QSER1: variants seen among roughly 807,000 people sequenced by gnomAD.
The protein encoded by QSER1 is glutamine and serine-rich protein 1.
Under a neutral mutation model 158.5 loss-of-function variants are expected in QSER1, and 49 were observed. The ratio of observed to expected loss-of-function variants is 0.31; its 90% CI spans 0.25 to 0.39. The LOEUF (loss-of-function observed/expected upper bound fraction) is 0.39. Among genes scored for constraint, QSER1 ranks in the 10% least tolerant of loss-of-function variants. The probability of loss-of-function intolerance (pLI) is 1.00; values close to 1 mark genes in which losing one functional copy is unlikely to be tolerated. For synonymous variants in QSER1, 650 were observed against 715.5 expected, an observed-to-expected ratio of 0.91 and a Z score of 1.46; for missense variants, 1,754 against 2,010.3, an observed-to-expected ratio of 0.87 and a Z score of 2.44.
intron 8 of QSER1, 151 bp downstream of exon 8, chr11:32,958,237 A>T: frequency 1.4e-6 from 1 of 704,000 alleles, no homozygotes; most frequent in South Asian, 1.9e-5. Flanking sequence ...AAGTAAGTTC[A>T]CATTCCCTGA....
intron 11 of QSER1, among the ~76,000 whole-genome samples, chr11:32,974,021 A>T (rs889162382): frequency 6.6e-6 from 1 of 152,246 alleles, no homozygotes; most frequent in Non-Finnish European, 1.5e-5. Flanking sequence ...TGTTTATTTC[A>T]TATCTGCAAA....
chr11:32,896,711 A>G (rs906597086), intron 1 of QSER1, among the ~76,000 whole-genome samples: 1 of 152,140 alleles, frequency 6.6e-6, no homozygotes, highest in Non-Finnish European at 1.5e-5. Flanking sequence ...TTCTAACTTG[A>G]AATAACTTTT....
intron 1 of QSER1, among the ~76,000 whole-genome samples, chr11:32,920,460 A>G (rs1851886279): frequency 6.6e-6 from 1 of 152,212 alleles, no homozygotes; most frequent in Non-Finnish European, 1.5e-5. Context: ...ATGACCTTGG[A>G]TTACAAGTTA....
chr11:32,932,198 G>A lies in QSER1; in HGVS notation c.940G>A (p.Glu314Lys). ...TTCCATTGAAAGAGCTCTTCTTCGA[G>A]AATGTAGTGTTATTAAACACCATCA... is the stretch of plus-strand genomic sequence containing the variant. ...TASIERALLR[E>K]CSVIKHHQRP... The change falls in exon 4 of 13, where the codon GAA (glutamate) becomes AAA (lysine). Residue 314 changes from glutamate to lysine, a missense_variant. By Grantham distance (56) the Glu-to-Lys change is moderately conservative (BLOSUM62 1). Around this residue, in one of 2 missense-constraint regions of QSER1, gnomAD observed 1,707 missense variants for 1,919.6 expected, o/e 0.89. Transcript: ENST00000650167. The A allele has an allele frequency of 6.2e-7, 1 of 1,614,168 alleles. No homozygotes were observed.
chr11:32,969,836 C>T (rs1260993153), intron 10 of QSER1, among the ~76,000 whole-genome samples: 1 of 152,022 alleles, frequency 6.6e-6, no homozygotes, highest in African/African-American at 2.4e-5. Context: ...AGGTGCCCAC[C>T]ACCACACCTG....
At chr11:32,911,703 A>G (rs192041306) in intron 1 of QSER1, among the ~76,000 whole-genome samples, 3 of 152,310 alleles carry the variant, frequency 2.0e-5, no homozygotes, top group East Asian at 1.9e-4. Context: ...TTGTGAAGAC[A>G]TGCCTTGCTT....
rs1174106857 is a variant in QSER1, at chr11:32,976,921, T to C, written c.*447T>C. On this transcript the variant is annotated 3_prime_UTR_variant, in exon 13 of 13. Coordinates refer to ENST00000650167, the MANE Select transcript of QSER1 (RefSeq NM_001076786.3). ...CATCTGGCCACAAAACCAGAAATAC[T>C]GTACATTATGTAAAGAGGTCTGGTG... 5.9e-6 allele frequency: 1 copy of C among 169,600 alleles called. No individual in the cohort carries two copies. The highest frequency in any genetic ancestry group is 1.2e-5 in the Non-Finnish European group (1 of 80,278). The allele number at this position is 169,600 out of a possible 1,614,324, so 10.5% of individuals were successfully genotyped here. A position where few individuals can be genotyped will look rare whatever the true frequency, so the allele number is the denominator to read the frequency against.
At chr11:32,956,195 G>A in intron 7 of QSER1, 74 bp downstream of exon 7, 3 of 1,285,648 alleles carry the variant, frequency 2.3e-6, no homozygotes, top group African/African-American at 1.5e-5. Flanking sequence ...GTACAAAGGA[G>A]CATATCAATT....
intron 4 of QSER1, among the ~76,000 whole-genome samples, chr11:32,945,573 C>T (rs529820349): frequency 3.7e-4 from 57 of 152,280 alleles, no homozygotes; most frequent in African/African-American, 1.3e-3. Flanking sequence ...CCCCCACTCT[C>T]TTCTGGCCTG....
intron 7 of QSER1, 147 bp downstream of exon 7, chr11:32,956,268 C>A: frequency 4.4e-6 from 3 of 680,646 alleles, no homozygotes; most frequent in Non-Finnish European, 7.3e-6. Flanking sequence ...ATAAGTGATT[C>A]TTTTGAAGGC....
At chr11:32,972,603 T>G (rs931799401) in intron 10 of QSER1, among the ~76,000 whole-genome samples, 1 of 151,934 alleles carries the variant, frequency 6.6e-6, no homozygotes. Context: ...ACCCAGCTAA[T>G]TTTTGTATTT....
At chr11:32,937,227 A>G (rs1247874977) in intron 4 of QSER1, among the ~76,000 whole-genome samples, 2 of 152,148 alleles carry the variant, frequency 1.3e-5, no homozygotes, top group East Asian at 3.8e-4. Flanking sequence ...GAAAAAAGCT[A>G]TCATTTGTCA....
chr11:32,913,863 A>G (rs1851801514), intron 1 of QSER1, among the ~76,000 whole-genome samples: 1 of 152,240 alleles, frequency 6.6e-6, no homozygotes, highest in Non-Finnish European at 1.5e-5. Flanking sequence ...CACAGAATTT[A>G]TATAGAACTG....
chr11:32,928,098 A>G lies in QSER1; in HGVS notation c.459A>G (p.Gln153=), dbSNP rs1851998073. 2 of 1,612,784 alleles carry G rather than the reference A, an allele frequency of 1.2e-6. No homozygotes were observed. Among genetic ancestry groups the G allele is most frequent in the Non-Finnish European group, 1.7e-6 (2 of 1,178,854 alleles). Reference sequence around the variant, plus strand: ...CTTCAGGAACTACTCTCTTACCACAATTCAGGGCTCCATCCTGGCAGACAG... The same window carrying G: ...CTTCAGGAACTACTCTCTTACCACAGTTCAGGGCTCCATCCTGGCAGACAG... ...AAASGTTLLP[Q]FRAPSWQTGM... The change falls in exon 3 of 13, where the codon CAA becomes CAG. Residue 153 remains glutamine, a synonymous_variant. Transcript: ENST00000650167.
chr11:32,935,292 T>C lies in QSER1; in HGVS notation c.4034T>C (p.Val1345Ala), dbSNP rs771761110. 7 of 1,613,978 alleles carry C rather than the reference T, an allele frequency of 4.3e-6. No individual in the cohort carries two copies. Among genetic ancestry groups the C allele is most frequent in the Non-Finnish European group, 5.9e-6 (7 of 1,179,924 alleles). ...ETGGNSPSDK[V>A]DNELKNLEHL... The stretch of plus-strand genomic sequence containing the variant: ...GGCGGTAACAGTCCATCAGATAAAG[T>C]TGATAATGAACTTAAAAACTTGGAA... The change falls in exon 4 of 13, where the codon GTT becomes GCT. Residue 1345 changes from valine (V) to alanine (A), a missense_variant. Val to Ala is a moderately conservative substitution (Grantham distance 64). Coordinates refer to ENST00000650167, the MANE Select transcript of QSER1 (RefSeq NM_001076786.3).
chr11:32,944,529 C>T (rs1852295693), intron 4 of QSER1, among the ~76,000 whole-genome samples: 1 of 151,934 alleles, frequency 6.6e-6, no homozygotes, highest in Non-Finnish European at 1.5e-5. Flanking sequence ...GTTCAGTTTC[C>T]ATGTAGTTGA....
chr11:32,965,897 C>T (rs991854294), intron 8 of QSER1, among the ~76,000 whole-genome samples: 1 of 150,050 alleles, frequency 6.7e-6, no homozygotes, highest in African/African-American at 2.5e-5. Context: ...GCCAAGATGG[C>T]GCCATTGTAC....
intron 10 of QSER1, among the ~76,000 whole-genome samples, chr11:32,971,598 C>T (rs1170525647): frequency 1.3e-5 from 2 of 152,090 alleles, no homozygotes; most frequent in African/African-American, 2.4e-5. Flanking sequence ...AAATAGAAAA[C>T]ACCAGAGTAC....
chr11:32,905,213 G>A (rs974195131), intron 1 of QSER1, among the ~76,000 whole-genome samples: 10 of 152,196 alleles, frequency 6.6e-5, no homozygotes, highest in Admixed American at 2.0e-4. Flanking sequence ...TCATTACTGT[G>A]TGATCACTGA....
Sources: allele counts gnomAD v4.1 joint callset (sites outside exome capture counted in the v4.1 genomes callset), GRCh38; gene constraint gnomAD v4.1.1; regional missense constraint gnomAD v4.1.1; transcripts MANE v1.5; gene names NCBI Gene and HGNC (gene_info 2026-07-23, HGNC 2026-07-21).